The following FSAF1 variants were observed in gnomAD, a reference collection of about 807,000 sequenced individuals.
FSAF1 encodes the protein uncharacterized protein C1orf131.
chr1:231,230,526 G>C, the FSAF1 span, among the ~76,000 whole-genome samples: 3 of 152,114 alleles, frequency 2.0e-5, no homozygotes, highest in Admixed American at 2.0e-4. Flanking sequence ...TACCTGCCAA[G>C]AGGTGCCTAT....
At chr1:231,231,027 G>C in the FSAF1 span, among the ~76,000 whole-genome samples, 1 of 152,196 alleles carries the variant, frequency 6.6e-6, no homozygotes, top group Admixed American at 6.5e-5. Context: ...TGACAGCAGA[G>C]GACCACTGTC....
At chr1:231,229,192 A>G in the FSAF1 span, 2 of 1,584,020 alleles carry the variant, frequency 1.3e-6, no homozygotes, top group African/African-American at 2.7e-5. Context: ...CTCTCTCCAA[A>G]ACACTAGGAT....
the FSAF1 span, among the ~76,000 whole-genome samples, chr1:231,240,150 A>G: frequency 7.5e-4 from 114 of 152,332 alleles, no homozygotes; most frequent in Middle Eastern, 0.01. This position sits in a 1 kb window ranked among gnomAD's most constrained non-coding sequence, Gnocchi z 4.1. Context: ...TACATCTGCA[A>G]TCATGGATTT....
At chr1:231,230,802 T>C in the FSAF1 span, among the ~76,000 whole-genome samples, 1 of 152,240 alleles carries the variant, frequency 6.6e-6, no homozygotes, top group African/African-American at 2.4e-5. Context: ...GATGAGGAAC[T>C]CTGCACTTAA....
At chr1:231,239,054 T>G in the FSAF1 span, 1 of 1,614,186 alleles carries the variant, frequency 6.2e-7, no homozygotes, top group Non-Finnish European at 8.5e-7. Flanking sequence ...GAAGCGCTCT[T>G]CCTCTGGCCT....
chr1:231,234,646 C>T, the FSAF1 span, among the ~76,000 whole-genome samples: 1 of 152,162 alleles, frequency 6.6e-6, no homozygotes, highest in Non-Finnish European at 1.5e-5. The surrounding 1 kb of genome is among the most constrained non-coding windows in gnomAD (Gnocchi z 4.0). Flanking sequence ...ACCTCATGCC[C>T]TTGCATGAAA....
At chr1:231,227,072 C>T in the FSAF1 span, 8 of 1,613,948 alleles carry the variant, frequency 5.0e-6, no homozygotes, top group South Asian at 1.1e-5. Context: ...AACGAGCCTG[C>T]GGACACAAAG....
chr1:231,225,362 A>G, the FSAF1 span: 1 of 997,836 alleles, frequency 1.0e-6, no homozygotes, highest in South Asian at 1.4e-5. Flanking sequence ...GAGACAGTGA[A>G]GCGCTCTAAT....
At chr1:231,236,823 G>T in the FSAF1 span, 1 of 152,074 alleles carries the variant, frequency 6.6e-6, no homozygotes, top group East Asian at 1.9e-4. Context: ...GGGTACACTG[G>T]GGTACTGGGA....
At chr1:231,224,683 T>TAC in the FSAF1 span, 1 of 405,552 alleles carries the variant, frequency 2.5e-6, no homozygotes, top group South Asian at 5.9e-5. Flanking sequence ...TCAGCTCCGA[T>TAC]GTCACCTCCT....
the FSAF1 span, chr1:231,225,603 A>G: frequency 1.6e-6 from 2 of 1,251,622 alleles, no homozygotes; most frequent in East Asian, 2.3e-5. Context: ...TTTGTGACCA[A>G]AAGTCATTGA....
At chr1:231,226,610 G>A in the FSAF1 span, 5 of 829,030 alleles carry the variant, frequency 6.0e-6, no homozygotes, top group Non-Finnish European at 1.0e-5. Flanking sequence ...TCGAAGAAAT[G>A]GGGAGCATGG....
the FSAF1 span, among the ~76,000 whole-genome samples, chr1:231,233,635 C>T: frequency 6.6e-6 from 1 of 152,138 alleles, no homozygotes; most frequent in Non-Finnish European, 1.5e-5. Context: ...TCACTGCAAA[C>T]TCCGCCTACC....
At chr1:231,229,194 C>T in the FSAF1 span, 4 of 1,583,960 alleles carry the variant, frequency 2.5e-6, no homozygotes, top group Non-Finnish European at 3.4e-6. Flanking sequence ...CTCTCCAAAA[C>T]ACTAGGATTA....
At chr1:231,235,099 C>A in the FSAF1 span, among the ~76,000 whole-genome samples, 1 of 152,236 alleles carries the variant, frequency 6.6e-6, no homozygotes, top group Admixed American at 6.5e-5. Context: ...GCTCCATCTG[C>A]AAGGTCTGCA....
the FSAF1 span, among the ~76,000 whole-genome samples, chr1:231,231,511 C>A: frequency 2.0e-5 from 3 of 151,998 alleles, no homozygotes; most frequent in Non-Finnish European, 4.4e-5. Context: ...ATTTCTTTTT[C>A]TTTTTTTGAG....
the FSAF1 span, chr1:231,226,013 A>C: frequency 2.6e-5 from 4 of 152,794 alleles, no homozygotes; most frequent in African/African-American, 7.3e-5. Flanking sequence ...AAAAAAAAAA[A>C]AAAAAAAAAA....
chr1:231,233,918 G>A, the FSAF1 span, among the ~76,000 whole-genome samples: 1 of 152,290 alleles, frequency 6.6e-6, no homozygotes, highest in South Asian at 2.1e-4. Context: ...AATCTTAAAA[G>A]AAAAGGGATC....
At chr1:231,240,568 C>T in the FSAF1 span, among the ~76,000 whole-genome samples, 3 of 151,880 alleles carry the variant, frequency 2.0e-5, no homozygotes, top group Admixed American at 6.6e-5. The surrounding 1 kb of genome is among the most constrained non-coding windows in gnomAD (Gnocchi z 4.1). Flanking sequence ...GGACAACTCG[C>T]CAAGGACTAT....
Sources: gnomAD v4.1 joint callset for allele counts (sites outside exome capture counted in the v4.1 genomes callset) on GRCh38, gnomAD v4.1.1 for gene constraint, Gnocchi (gnomAD v3.1) non-coding constraint, MANE v1.5 for transcripts, NCBI Gene and HGNC (gene_info 2026-07-23, HGNC 2026-07-21) for gene names.